The following TSHZ3 variants were observed in gnomAD, a reference collection of about 807,000 sequenced individuals.
TSHZ3 encodes teashirt zinc finger homeobox 3.
TSHZ3 carries 10 observed loss-of-function variants against 64.5 expected under a neutral mutation model. The observed-to-expected ratio is 0.16, with a 90% confidence interval of 0.10 to 0.26. The LOEUF is 0.26. Ranked by LOEUF, TSHZ3 falls within the 10% of genes least tolerant of loss-of-function variation. The pLI, the probability that TSHZ3 is intolerant of heterozygous loss-of-function variation, is 1.00. For synonymous variants in TSHZ3, 608 were observed against 593.1 expected (o/e 1.03, Z -0.36); for missense variants, 1,242 against 1,421.7 (o/e 0.87, Z 2.03).
At position 31,191,002 on chromosome 19, in the gene TSHZ3, C is replaced by T. The variant is rs952476773; in HGVS notation, n.809+13954G>A. Reference sequence around the variant, plus strand: ...TGAAGATAGATCAGTAGAAACTATCCCACCTGAAGCAGTAAGAAAGAAAAT... The same window carrying T: ...TGAAGATAGATCAGTAGAAACTATCTCACCTGAAGCAGTAAGAAAGAAAAT... On this transcript the variant is annotated intron_variant and non_coding_transcript_variant, in intron 5 of 6. Coordinates refer to the TSHZ3 transcript ENST00000651361. 1.4e-4 allele frequency among the ~76,000 whole-genome samples: 22 copies of T among 151,868 alleles called. 1 individual carries two copies. Among genetic ancestry groups the T allele is most frequent in the African/African-American group, 5.3e-4 (22 of 41,346 alleles).
chr19:31,179,979 A>C (rs1458690101), intron 5 of TSHZ3, among the ~76,000 whole-genome samples: 2 of 152,062 alleles, frequency 1.3e-5, no homozygotes, highest in Admixed American at 6.6e-5. Context: ...GATTTGGGAG[A>C]TCTACATACA....
intron 1 of TSHZ3, among the ~76,000 whole-genome samples, chr19:31,290,699 C>A (rs911152766): frequency 6.6e-6 from 1 of 152,076 alleles, no homozygotes; most frequent in African/African-American, 2.4e-5. Flanking sequence ...CCAGGGAGAC[C>A]AGGGGCCTTC....
At chr19:31,339,536 C>A (rs1460147402) in intron 1 of TSHZ3, among the ~76,000 whole-genome samples, 1 of 152,152 alleles carries the variant, frequency 6.6e-6, no homozygotes, top group Non-Finnish European at 1.5e-5. Context: ...GGGCTTCCCT[C>A]CCCTCCCCGT....
At position 31,216,117 on chromosome 19, in the gene TSHZ3, G is replaced by C. The variant is rs181468934; in HGVS notation, n.687-11039C>G. ...ATATATGTATACAAGAAACATCAAA[G>C]AACATCAATGGTATAAGTGTATACA... On this transcript the variant is annotated intron_variant and non_coding_transcript_variant, in intron 4 of 6. Transcript: ENST00000651361. 1.8e-4 allele frequency among the ~76,000 whole-genome samples: 28 copies of C among 152,100 alleles called. No individual in the cohort carries two copies. In the East Asian group the frequency reaches 5.4e-3, roughly 29 times the overall value.
chr19:31,205,177 C>G (rs1975148527), intron 4 of TSHZ3, among the ~76,000 whole-genome samples: 1 of 152,150 alleles, frequency 6.6e-6, no homozygotes, highest in South Asian at 2.1e-4. Flanking sequence ...CTATCAGTCC[C>G]TGAGCAGCCA....
At chr19:31,225,811 T>C (rs1025647351) in intron 4 of TSHZ3, among the ~76,000 whole-genome samples, 2 of 152,166 alleles carry the variant, frequency 1.3e-5, no homozygotes, top group African/African-American at 4.8e-5. Context: ...CTTATCTCCT[T>C]ACCCTTCCCA....
At chr19:31,296,672 T>C (rs112847926) in intron 1 of TSHZ3, among the ~76,000 whole-genome samples, 6,660 of 152,276 alleles carry the variant, frequency 0.044, 269 homozygotes, top group African/African-American at 0.11. Flanking sequence ...AAGGAATTTT[T>C]ATTTGTAGCA....
Position 31,223,598 on chromosome 19 carries a change from C to T in TSHZ3, n.686+4407G>A, listed in dbSNP as rs117884880. ...TTATTTTGCTCTCTCCTTTGGAAAG[C>T]GATGCACATGTATTATGAAAAGCAA... On this transcript the variant is annotated intron_variant and non_coding_transcript_variant, in intron 4 of 6. Coordinates refer to the TSHZ3 transcript ENST00000651361. Among the ~76,000 whole-genome samples, 280 of 152,114 alleles carry T rather than the reference C, an allele frequency of 1.8e-3. 1 individual carries two copies. Among genetic ancestry groups the T allele is most frequent in the East Asian group, 0.017 (89 of 5,172 alleles).
At chr19:31,252,747 A>G (rs1975858698) in intron 1 of TSHZ3, among the ~76,000 whole-genome samples, 1 of 152,158 alleles carries the variant, frequency 6.6e-6, no homozygotes, top group Non-Finnish European at 1.5e-5. Flanking sequence ...TCCTGTATAA[A>G]TTACCCAGTC....
At chr19:31,337,718 TAAA>T (rs1303648597) in intron 1 of TSHZ3, among the ~76,000 whole-genome samples, 1 of 106,504 alleles carries the variant, frequency 9.4e-6, no homozygotes. Flanking sequence ...TATTTCAAAA[TAAA>T]CACACACACA....
chr19:31,315,681 G>A (rs1186977203), intron 1 of TSHZ3, among the ~76,000 whole-genome samples: 1 of 152,214 alleles, frequency 6.6e-6, no homozygotes, highest in African/African-American at 2.4e-5. Flanking sequence ...AAAGAAAAAC[G>A]GCTGGCAATA....
chr19:31,210,362 C>T (rs1219499206), intron 4 of TSHZ3, among the ~76,000 whole-genome samples: 1 of 152,176 alleles, frequency 6.6e-6, no homozygotes. Flanking sequence ...CCACTTCTCG[C>T]CTCTGAATCA....
chr19:31,313,844 A>T (rs1442851208), intron 1 of TSHZ3, among the ~76,000 whole-genome samples: 1 of 152,202 alleles, frequency 6.6e-6, no homozygotes, highest in Non-Finnish European at 1.5e-5. Context: ...CGAGAAGGGT[A>T]TGGCACTGAG....
intron 1 of TSHZ3, among the ~76,000 whole-genome samples, chr19:31,321,874 A>C (rs7257440): frequency 0.039 from 5,882 of 152,082 alleles, 408 homozygotes; most frequent in African/African-American, 0.13. Flanking sequence ...GTACATGTGC[A>C]GAACGTGCAT....
chr19:31,181,245 C>T (rs1377142623), intron 5 of TSHZ3, among the ~76,000 whole-genome samples: 3 of 152,092 alleles, frequency 2.0e-5, no homozygotes, highest in East Asian at 3.9e-4. Context: ...AGCGTGATTA[C>T]CAAAGAGGAA....
chr19:31,189,943 T>C (rs968969657), intron 5 of TSHZ3, among the ~76,000 whole-genome samples: 1 of 152,176 alleles, frequency 6.6e-6, no homozygotes, highest in Non-Finnish European at 1.5e-5. Context: ...TACCCATTTA[T>C]CATCAAAAAA....
intron 5 of TSHZ3, among the ~76,000 whole-genome samples, chr19:31,184,978 C>T (rs977454494): frequency 6.6e-6 from 1 of 152,160 alleles, no homozygotes; most frequent in Non-Finnish European, 1.5e-5. Context: ...TCAGTTACAA[C>T]CTCTGTGCTG....
intron 5 of TSHZ3, among the ~76,000 whole-genome samples, chr19:31,186,004 C>A (rs554626203): frequency 6.6e-6 from 1 of 152,214 alleles, no homozygotes; most frequent in South Asian, 2.1e-4. Flanking sequence ...TAACCATAGG[C>A]CACTCATTTC....
intron 1 of TSHZ3, among the ~76,000 whole-genome samples, chr19:31,246,798 G>T (rs997174653): frequency 1.3e-5 from 2 of 152,072 alleles, no homozygotes; most frequent in Admixed American, 6.5e-5. Context: ...CTTACAAAAT[G>T]GTCATTGCAG....
Sources: allele counts gnomAD v4.1 joint callset (sites outside exome capture counted in the v4.1 genomes callset), GRCh38; gene constraint gnomAD v4.1.1; transcripts MANE v1.5; gene names NCBI Gene and HGNC (gene_info 2026-07-23, HGNC 2026-07-21).